GRM7: variants seen among roughly 807,000 people sequenced by gnomAD.
GRM7 encodes the protein metabotropic glutamate receptor 7.
In GRM7, 35 loss-of-function variants were observed where a neutral mutation model predicts 84.5. The ratio of observed to expected loss-of-function variants is 0.41; its 90% CI spans 0.32 to 0.55. The LOEUF is 0.55. GRM7 is among the 20% of genes least tolerant of loss of function. GRM7 has a pLI of 0.19. For missense variants in GRM7, 1,003 were observed against 1,194.6 expected (o/e 0.84, Z 2.36); for synonymous variants, 487 against 455.1 (o/e 1.07, Z -0.89).
At chr3:7,106,360 G>T (rs1274433807) in intron 1 of GRM7, among the ~76,000 whole-genome samples, 7 of 150,804 alleles carry the variant, frequency 4.6e-5, no homozygotes, top group Non-Finnish European at 3.0e-5. Flanking sequence ...TATTTTCTGG[G>T]ATCATTCTGC....
At chr3:7,736,877 G>C (rs1559513249) in intron 9 of GRM7, among the ~76,000 whole-genome samples, 1 of 152,074 alleles carries the variant, frequency 6.6e-6, no homozygotes, top group Non-Finnish European at 1.5e-5. Flanking sequence ...AAAAAGAGCT[G>C]AGGAGAACAC....
At chr3:7,310,348 TAA>T (rs1391259976) in intron 4 of GRM7, among the ~76,000 whole-genome samples, 3 of 152,234 alleles carry the variant, frequency 2.0e-5, no homozygotes, top group East Asian at 3.8e-4. Flanking sequence ...GACCCAGCAT[TAA>T]AGAGCTAGCT....
chr3:7,682,570 AC>A (rs59663969), intron 9 of GRM7, among the ~76,000 whole-genome samples: 54,791 of 120,290 alleles, frequency 0.46, 10,172 homozygotes, highest in East Asian at 0.66. Flanking sequence ...ACACACACAC[AC>A]ATTTAACTAG....
At chr3:7,720,812 G>A (rs1383855957) in intron 9 of GRM7, among the ~76,000 whole-genome samples, 1 of 152,190 alleles carries the variant, frequency 6.6e-6, no homozygotes, top group Non-Finnish European at 1.5e-5. Context: ...TGTTGAATGA[G>A]AATTACCTCT....
At chr3:7,468,087 C>G (rs1698535846) in intron 7 of GRM7, among the ~76,000 whole-genome samples, 1 of 152,158 alleles carries the variant, frequency 6.6e-6, no homozygotes, top group Non-Finnish European at 1.5e-5. Context: ...TTATACCTGC[C>G]TATAAAACTG....
chr3:7,144,275 C>A (rs1025351549), intron 1 of GRM7, among the ~76,000 whole-genome samples: 3 of 152,142 alleles, frequency 2.0e-5, no homozygotes, highest in African/African-American at 7.2e-5. Flanking sequence ...AATTTTCTCC[C>A]TTGTAAAACA....
intron 9 of GRM7, among the ~76,000 whole-genome samples, chr3:7,726,879 A>AT (rs1259215222): frequency 6.6e-6 from 1 of 151,306 alleles, no homozygotes; most frequent in Non-Finnish European, 1.5e-5. Flanking sequence ...AAAAAAATCT[A>AT]TGTTGTAATC....
intron 2 of GRM7, among the ~76,000 whole-genome samples, chr3:7,276,264 C>T (rs1166482928): frequency 4.8e-5 from 7 of 145,204 alleles, no homozygotes; most frequent in Admixed American, 2.1e-4. Flanking sequence ...TATAATTGTC[C>T]TCTCAATGTA....
At chr3:7,539,631 C>T (rs370346633) in intron 7 of GRM7, among the ~76,000 whole-genome samples, 28 of 148,858 alleles carry the variant, frequency 1.9e-4, no homozygotes, top group Admixed American at 4.7e-4. Context: ...GTTGAGATCG[C>T]GCCACTGCAC....
chr3:7,363,230 G>A (rs574383588), intron 4 of GRM7, among the ~76,000 whole-genome samples: 14 of 151,704 alleles, frequency 9.2e-5, no homozygotes, highest in South Asian at 2.1e-4. Flanking sequence ...AATTTTTGTC[G>A]TATTTAAATA....
intron 1 of GRM7, among the ~76,000 whole-genome samples, chr3:6,880,835 C>CA (rs1349054581): frequency 2.9e-4 from 44 of 151,708 alleles, no homozygotes; most frequent in African/African-American, 1.0e-3. Context: ...CTTCCCTTTG[C>CA]AAAAAAAGGT....
chr3:7,099,357 C>CACATGTATTATACATGTATATATGTAT (rs1488461268), intron 1 of GRM7, among the ~76,000 whole-genome samples: 1,924 of 118,260 alleles, frequency 0.016, 569 homozygotes, highest in African/African-American at 0.031. Flanking sequence ...TATATATGTA[C>CACATGTATTATACATGTATATATGTAT]ACATGTATAC....
chr3:7,494,804 T>C (rs1287097755), intron 7 of GRM7, among the ~76,000 whole-genome samples: 6 of 152,226 alleles, frequency 3.9e-5, no homozygotes, highest in Admixed American at 3.3e-4. Context: ...TTTTTCATAA[T>C]ATTATTTCCC....
chr3:7,630,229 C>A (rs1421098303), intron 8 of GRM7, among the ~76,000 whole-genome samples: 1 of 152,212 alleles, frequency 6.6e-6, no homozygotes, highest in East Asian at 1.9e-4. Context: ...TGAAAGAAGG[C>A]CCCCTTAGGA....
intron 1 of GRM7, among the ~76,000 whole-genome samples, chr3:6,968,832 A>C (rs1693628133): frequency 6.6e-6 from 1 of 152,178 alleles, no homozygotes. Context: ...ATTGTTACCC[A>C]TTCCATACAT....
intron 4 of GRM7, among the ~76,000 whole-genome samples, chr3:7,309,475 T>C (rs748874941): frequency 7.2e-5 from 11 of 152,212 alleles, no homozygotes; most frequent in Non-Finnish European, 1.2e-4. Context: ...CAAATATTCA[T>C]GATACTGCTC....
intron 1 of GRM7, among the ~76,000 whole-genome samples, chr3:7,021,327 C>A (rs184764312): frequency 2.6e-5 from 4 of 152,142 alleles, no homozygotes; most frequent in Non-Finnish European, 5.9e-5. Flanking sequence ...CCTCCCCTCA[C>A]CCTGCCCTGG....
At chr3:7,302,413 T>C (rs1052643464) in intron 3 of GRM7, among the ~76,000 whole-genome samples, 3 of 152,136 alleles carry the variant, frequency 2.0e-5, no homozygotes, top group African/African-American at 7.2e-5. Context: ...AACCTCCAAA[T>C]TTTACATAAA....
At chr3:7,236,883 A>C (rs1386675092) in intron 2 of GRM7, among the ~76,000 whole-genome samples, 5 of 152,228 alleles carry the variant, frequency 3.3e-5, no homozygotes, top group African/African-American at 1.2e-4. Flanking sequence ...TGAGTTTGGG[A>C]ACATTTGTTA....
Sources: gnomAD v4.1 joint callset for allele counts (sites outside exome capture counted in the v4.1 genomes callset) on GRCh38, gnomAD v4.1.1 for gene constraint, MANE v1.5 for transcripts, NCBI Gene and HGNC (gene_info 2026-07-23, HGNC 2026-07-21) for gene names.